The following NR3C2 variants were observed in gnomAD, a reference collection of about 807,000 sequenced individuals.
NR3C2 encodes the protein nuclear receptor subfamily 3 group C member 2.
NR3C2 carries 15 observed loss-of-function variants against 86.4 expected under a neutral mutation model. The ratio of observed to expected loss-of-function variants is 0.17; its 90% CI spans 0.12 to 0.27. The LOEUF (loss-of-function observed/expected upper bound fraction) is 0.27, where lower values mean the gene tolerates loss of function less well. NR3C2 is among the 10% of genes least tolerant of loss of function. NR3C2 has a pLI of 1.00. For missense variants in NR3C2, 960 were observed against 1,195.6 expected, an observed-to-expected ratio of 0.80 and a Z score of 2.91; for synonymous variants, 458 against 450.5, an observed-to-expected ratio of 1.02 and a Z score of -0.21.
chr4:148,400,044 A>G (rs1270055459), intron 2 of NR3C2, among the ~76,000 whole-genome samples: 1 of 152,246 alleles, frequency 6.6e-6, no homozygotes, highest in Admixed American at 6.5e-5. Context: ...AAGCCATACA[A>G]TTTAAAACGT....
At chr4:148,234,681 TAA>T (rs76089180) in intron 3 of NR3C2, among the ~76,000 whole-genome samples, 32 of 72,982 alleles carry the variant, frequency 4.4e-4, no homozygotes, top group Admixed American at 8.0e-4. Context: ...AGACTCCAAC[TAA>T]AAAAAAAAAA....
chr4:148,433,868 A>G (rs1749913916), intron 2 of NR3C2, among the ~76,000 whole-genome samples: 1 of 152,200 alleles, frequency 6.6e-6, no homozygotes, highest in Admixed American at 6.5e-5. Context: ...GTTAGAACTT[A>G]TAATTTAAGA....
intron 3 of NR3C2, among the ~76,000 whole-genome samples, chr4:148,249,304 C>CA (rs397879672): frequency 0.019 from 2,656 of 142,936 alleles, 46 homozygotes; most frequent in African/African-American, 0.049. Flanking sequence ...TCCCCCCGAC[C>CA]AAAAAAAAAA....
intron 2 of NR3C2, among the ~76,000 whole-genome samples, chr4:148,309,322 T>C (rs929666864): frequency 2.0e-5 from 3 of 152,210 alleles, no homozygotes; most frequent in Admixed American, 6.5e-5. Context: ...ACATTGACTA[T>C]GTACTCTATA....
chr4:148,326,643 G>GT (rs898617259), intron 2 of NR3C2, among the ~76,000 whole-genome samples: 30 of 148,946 alleles, frequency 2.0e-4, no homozygotes, highest in Middle Eastern at 3.4e-3. Flanking sequence ...AACTCTTCAA[G>GT]TTTTTTTTTT....
At chr4:148,157,140 C>T (rs1247062581) in intron 4 of NR3C2, among the ~76,000 whole-genome samples, 1 of 117,286 alleles carries the variant, frequency 8.5e-6, no homozygotes, top group Non-Finnish European at 1.6e-5. Context: ...GAACATCACA[C>T]TCTGGGGACT....
chr4:148,232,336 C>A (rs888128755), intron 3 of NR3C2, among the ~76,000 whole-genome samples: 2 of 152,230 alleles, frequency 1.3e-5, no homozygotes, highest in Non-Finnish European at 2.9e-5. Context: ...TGTTAGCAGG[C>A]ATGAAAACAA....
At chr4:148,323,396 G>C (rs970416365) in intron 2 of NR3C2, among the ~76,000 whole-genome samples, 3 of 148,206 alleles carry the variant, frequency 2.0e-5, no homozygotes, top group Middle Eastern at 3.4e-3. Flanking sequence ...TTGAGCTGTG[G>C]TGGGCTCCAC....
In NR3C2 at chr4:148,081,016, A is replaced by C. The variant is rs139673876; in HGVS notation, c.*328T>G. 101 of 384,138 alleles carry C rather than the reference A, an allele frequency of 2.6e-4. No individual in the cohort carries two copies. The highest frequency in any genetic ancestry group is 1.9e-3 in the African/African-American group (93 of 48,330). The allele number at this position is 384,138 out of a possible 1,614,324, so 23.8% of individuals were successfully genotyped here. A position where few individuals can be genotyped will look rare whatever the true frequency, so the allele number is the denominator to read the frequency against. ...AAACAAGCGAACGATACCAGAAACT[A>C]CACGGCATAGTTAAAACTTCTTCCA... On this transcript the variant is annotated 3_prime_UTR_variant, in exon 9 of 9. Transcript: ENST00000358102.
In NR3C2 at chr4:148,436,505, T is replaced by C. The variant is rs758104520; in HGVS notation, c.356A>G (p.Tyr119Cys). 7 of 1,614,218 alleles carry C rather than the reference T, an allele frequency of 4.3e-6. No homozygotes were observed. Among genetic ancestry groups the C allele is most frequent in the South Asian group, 3.3e-5 (3 of 91,088 alleles). Residue 119 changes from tyrosine to cysteine, a missense_variant, in exon 2 of 9, where the codon TAT becomes TGT. Transcript: ENST00000358102. ...GCTTCCTTGTTGGTTCTGCTGCTCATAGGAATAGTCAGCATCTCTTACAGA... is the reference window on the plus strand; with the variant it reads ...GCTTCCTTGTTGGTTCTGCTGCTCACAGGAATAGTCAGCATCTCTTACAGA... The part of the protein sequence containing the change: ...MDSVRDADYS[Y>C]EQQNQQGSMS...
chr4:148,325,820 A>C (rs1336890823), intron 2 of NR3C2, among the ~76,000 whole-genome samples: 2 of 152,222 alleles, frequency 1.3e-5, no homozygotes, highest in Non-Finnish European at 2.9e-5. Context: ...TCTGGGGGTG[A>C]ATCCTTACAG....
chr4:148,271,606 A>T (rs1401929003), intron 2 of NR3C2, among the ~76,000 whole-genome samples: 5 of 151,904 alleles, frequency 3.3e-5, no homozygotes, highest in South Asian at 2.1e-4. Context: ...TTTAAGGAAA[A>T]TTTTTTTAAA....
At chr4:148,293,172 T>C (rs1230618104) in intron 2 of NR3C2, among the ~76,000 whole-genome samples, 4 of 152,140 alleles carry the variant, frequency 2.6e-5, no homozygotes, top group African/African-American at 9.7e-5. Context: ...ATAATATACA[T>C]GTATATATAA....
intron 2 of NR3C2, among the ~76,000 whole-genome samples, chr4:148,384,919 GT>G (rs1191139538): frequency 1.3e-5 from 2 of 152,144 alleles, no homozygotes; most frequent in Non-Finnish European, 2.9e-5. Context: ...CACAAAACCT[GT>G]ACAACTCTAC....
intron 3 of NR3C2, among the ~76,000 whole-genome samples, chr4:148,243,405 CTT>C (rs1739160243): frequency 6.6e-6 from 1 of 152,060 alleles, no homozygotes; most frequent in African/African-American, 2.4e-5. Flanking sequence ...CTAATATGCT[CTT>C]TATTACAACT....
At chr4:148,175,617 G>T (rs1735338750) in intron 4 of NR3C2, among the ~76,000 whole-genome samples, 1 of 152,208 alleles carries the variant, frequency 6.6e-6, no homozygotes, top group South Asian at 2.1e-4. Context: ...ATATTTATAT[G>T]CATGCATTAT....
rs1038948484 is a variant in NR3C2, at chr4:148,081,080, T to C, written c.*264A>G. On this transcript the variant is annotated 3_prime_UTR_variant, in exon 9 of 9. Coordinates refer to ENST00000358102, the MANE Select transcript of NR3C2 (RefSeq NM_000901.5). ...CAAAATCAGAGTTATTGACTAGATA[T>C]GGCTTTTCATCCCGAGGAACAGGAA... 1.6e-5 allele frequency: 8 copies of C among 499,446 alleles called. No individual in the cohort carries two copies. The highest frequency in any genetic ancestry group is 3.9e-5 in the African/African-American group (2 of 51,620). 30.9% of individuals were successfully genotyped at this position (499,446 alleles called of 1,614,324 possible). A position where few individuals can be genotyped will look rare whatever the true frequency, so the allele number is the denominator to read the frequency against.
At chr4:148,106,829 C>A (rs1437521594) in intron 8 of NR3C2, among the ~76,000 whole-genome samples, 2 of 152,074 alleles carry the variant, frequency 1.3e-5, no homozygotes, top group Admixed American at 1.3e-4. Flanking sequence ...GAAACTGGAC[C>A]CCTTCCTTAC....
chr4:148,384,276 T>C (rs1349762645), intron 2 of NR3C2, among the ~76,000 whole-genome samples: 2 of 152,122 alleles, frequency 1.3e-5, no homozygotes, highest in African/African-American at 2.4e-5. Context: ...AAATTATCAA[T>C]ATGAGAATAC....
Sources: allele counts gnomAD v4.1 joint callset (sites outside exome capture counted in the v4.1 genomes callset), GRCh38; gene constraint gnomAD v4.1.1; transcripts MANE v1.5; gene names NCBI Gene and HGNC (gene_info 2026-07-23, HGNC 2026-07-21).